Variants in SNX30 observed in about 807,000 individuals in gnomAD.
SNX30 encodes sorting nexin family member 30.
A neutral mutation model predicts 46.4 loss-of-function variants in SNX30; 24 were observed. The ratio of observed to expected loss-of-function variants is 0.52; its 90% confidence interval spans 0.37 to 0.73. The LOEUF (loss-of-function observed/expected upper bound fraction) is 0.73, where lower values mean the gene tolerates loss of function less well. Among genes scored for constraint, SNX30 ranks in the 30% least tolerant of loss-of-function variants. The pLI is 0.00. For synonymous variants in SNX30, 189 were observed against 211.5 expected (o/e 0.89, Z 0.92); for missense variants, 533 against 555.7 (o/e 0.96, Z 0.41).
At chr9:112,828,976 A>G (rs1840618934) in intron 3 of SNX30, among the ~76,000 whole-genome samples, 1 of 152,084 alleles carries the variant, frequency 6.6e-6, no homozygotes, top group Non-Finnish European at 1.5e-5. Context: ...GGGTTTGCCT[A>G]TTCTGGACAT....
At chr9:112,865,661 A>ATATATATATAATGTGTG in intron 8 of SNX30, among the ~76,000 whole-genome samples, 1 of 105,702 alleles carries the variant, frequency 9.5e-6, no homozygotes, top group Non-Finnish European at 1.9e-5. Context: ...ATATATATAT[A>ATATATATATAATGTGTG]TGTATGTATG....
chr9:112,775,542 T>TTGTGTGTGTGTG (rs199600863), intron 1 of SNX30, among the ~76,000 whole-genome samples: 7,907 of 131,260 alleles, frequency 0.06, 352 homozygotes, highest in South Asian at 0.097. Flanking sequence ...TATTTTAAAT[T>TTGTGTGTGTGTG]TGTGTGTGTG....
At chr9:112,833,872 G>C (rs771855207) in intron 4 of SNX30, among the ~76,000 whole-genome samples, 1 of 152,176 alleles carries the variant, frequency 6.6e-6, no homozygotes. Context: ...GAATCTTTAG[G>C]ACACTCTCTC....
chr9:112,846,074 T>G (rs1840936276), intron 6 of SNX30, among the ~76,000 whole-genome samples: 1 of 151,678 alleles, frequency 6.6e-6, no homozygotes, highest in Admixed American at 6.6e-5. Flanking sequence ...AATAAAAAAA[T>G]TAATAGAAGA....
intron 6 of SNX30, 118 bp from the exon 7 acceptor site, chr9:112,850,741 C>T (rs1400667013): frequency 1.5e-6 from 1 of 671,448 alleles, no homozygotes. Flanking sequence ...GAGCACATGG[C>T]TGGGCCTGGG....
intron 1 of SNX30, among the ~76,000 whole-genome samples, chr9:112,798,269 C>A: frequency 1.5e-5 from 1 of 68,730 alleles, no homozygotes; most frequent in South Asian, 6.0e-4. Flanking sequence ...CCAATGCTAT[C>A]CCTCCCCCCT....
intron 1 of SNX30, among the ~76,000 whole-genome samples, chr9:112,751,635 T>C (rs1839279185): frequency 1.3e-5 from 2 of 152,134 alleles, no homozygotes. Flanking sequence ...TAGTCAGTCA[T>C]GTGGGGAGTG....
At chr9:112,759,158 G>T (rs1039440031) in intron 1 of SNX30, among the ~76,000 whole-genome samples, 6 of 152,034 alleles carry the variant, frequency 3.9e-5, no homozygotes, top group Admixed American at 6.6e-5. Flanking sequence ...GAGTCACTGT[G>T]CCTGGTCTTG....
intron 1 of SNX30, among the ~76,000 whole-genome samples, chr9:112,764,602 A>G (rs1413351198): frequency 1.3e-5 from 2 of 152,106 alleles, no homozygotes; most frequent in African/African-American, 4.8e-5. Flanking sequence ...GTTTGGGGTT[A>G]GAGTCACTGA....
chr9:112,797,267 ATCTT>A (rs1840121416), intron 1 of SNX30, among the ~76,000 whole-genome samples: 1 of 152,188 alleles, frequency 6.6e-6, no homozygotes, highest in Non-Finnish European at 1.5e-5. Context: ...TAAAAAATCT[ATCTT>A]TCCCTTCCTT....
chr9:112,866,975 T>TCAGAACTCCTCCCACC (rs1564297911), intron 8 of SNX30, among the ~76,000 whole-genome samples: 210 of 5,846 alleles, frequency 0.036, 65 homozygotes, highest in Non-Finnish European at 0.05. Context: ...CTCCTCCTCC[T>TCAGAACTCCTCCCACC]TCCTCAGAAT....
At chr9:112,765,953 G>A (rs986623849) in intron 1 of SNX30, among the ~76,000 whole-genome samples, 2 of 152,034 alleles carry the variant, frequency 1.3e-5, no homozygotes, top group Non-Finnish European at 2.9e-5. Flanking sequence ...ACAGGTGCAC[G>A]CCACCATGTC....
intron 2 of SNX30, among the ~76,000 whole-genome samples, chr9:112,814,658 A>G (rs981800474): frequency 6.6e-6 from 1 of 152,248 alleles, no homozygotes; most frequent in East Asian, 1.9e-4. Flanking sequence ...ACAACTGTAA[A>G]CAAAGATGAT....
chr9:112,767,685 G>T (rs781157120), intron 1 of SNX30, among the ~76,000 whole-genome samples: 4 of 152,052 alleles, frequency 2.6e-5, no homozygotes, highest in Non-Finnish European at 4.4e-5. Flanking sequence ...AACCTCCCAG[G>T]CTCAAGTGAT....
chr9:112,823,937 C>T (rs1432068110), intron 3 of SNX30, among the ~76,000 whole-genome samples: 1 of 152,034 alleles, frequency 6.6e-6, no homozygotes, highest in Non-Finnish European at 1.5e-5. Context: ...TCTCTATGCT[C>T]CTTTATTTAT....
At chr9:112,811,742 A>C (rs1222060198) in intron 2 of SNX30, among the ~76,000 whole-genome samples, 1 of 152,176 alleles carries the variant, frequency 6.6e-6, no homozygotes, top group Non-Finnish European at 1.5e-5. Flanking sequence ...GACATTCTGC[A>C]TTGTGGACAC....
chr9:112,790,545 A>G (rs1180896631), intron 1 of SNX30, among the ~76,000 whole-genome samples: 1 of 152,194 alleles, frequency 6.6e-6, no homozygotes, highest in Non-Finnish European at 1.5e-5. Flanking sequence ...CTCTGATCCG[A>G]TGTACATTCA....
At chr9:112,759,426 C>T (rs969157310) in intron 1 of SNX30, among the ~76,000 whole-genome samples, 3 of 152,048 alleles carry the variant, frequency 2.0e-5, no homozygotes, top group Admixed American at 6.6e-5. Context: ...CCCTCCACTT[C>T]CTGTTTTAAG....
intron 1 of SNX30, among the ~76,000 whole-genome samples, chr9:112,794,314 GGC>G (rs1840073491): frequency 6.6e-6 from 1 of 151,998 alleles, no homozygotes; most frequent in Non-Finnish European, 1.5e-5. Context: ...CAACACCCCT[GGC>G]TAATTTTTGT....
Sources: gnomAD v4.1 joint callset for allele counts (sites outside exome capture counted in the v4.1 genomes callset) on GRCh38, gnomAD v4.1.1 for gene constraint, MANE v1.5 for transcripts, NCBI Gene and HGNC (gene_info 2026-07-23, HGNC 2026-07-21) for gene names.